Variants in PARD3B observed in about 807,000 individuals in gnomAD.
PARD3B encodes par-3 family cell polarity regulator beta, also known as partitioning defective 3 homolog B.
A neutral mutation model predicts 130.2 loss-of-function variants in PARD3B; 103 were observed. That is an observed-to-expected ratio of 0.79 (90% CI 0.67 to 0.93). The LOEUF is 0.93. Among genes scored for constraint, PARD3B ranks in the 40% least tolerant of loss-of-function variants. PARD3B has a pLI of 0.00. For synonymous variants in PARD3B, 583 were observed against 553.2 expected (o/e 1.05, Z -0.76); for missense variants, 1,609 against 1,499.2 (o/e 1.07, Z -1.21).
intron 18 of PARD3B, among the ~76,000 whole-genome samples, chr2:205,334,183 T>G (rs546497662): frequency 6.6e-6 from 1 of 152,308 alleles, no homozygotes; most frequent in African/African-American, 2.4e-5. Context: ...TGACATCTCT[T>G]CAGTTTATAA....
intron 16 of PARD3B, among the ~76,000 whole-genome samples, chr2:205,277,953 G>A (rs1266125288): frequency 6.6e-6 from 1 of 152,068 alleles, no homozygotes; most frequent in Non-Finnish European, 1.5e-5. Context: ...CCACATTTGG[G>A]GGAAGGAGAA....
rs534733221 is a variant in PARD3B, at chr2:204,954,013, TTCTTG to T, written c.223-11134_223-11130del. The stretch of plus-strand genomic sequence containing the variant: ...TGAGGAGGGAGCGAGGACCCCAGCC[TTCTTG>T]TCTTCGGGCCCCAGTTAGCGAGGCA... On this transcript the variant is annotated intron_variant, in intron 2 of 22. Transcript: ENST00000406610. Among the ~76,000 whole-genome samples the T allele has an allele frequency of 2.1e-3, 324 of 152,272 alleles. 1 individual carries two copies. Among genetic ancestry groups the T allele is most frequent in the African/African-American group, 7.5e-3 (313 of 41,552 alleles).
At chr2:205,035,840 T>C (rs1178310954) in intron 3 of PARD3B, among the ~76,000 whole-genome samples, 1 of 129,886 alleles carries the variant, frequency 7.7e-6, no homozygotes, top group South Asian at 2.3e-4. Context: ...TATATATATA[T>C]ATATAGTGGG....
chr2:205,021,389 C>T lies in PARD3B; in HGVS notation c.395-26192C>T, dbSNP rs541066006. Among the ~76,000 whole-genome samples the T allele has an allele frequency of 1.3e-5, 2 of 152,088 alleles. No homozygotes were observed. Among genetic ancestry groups the T allele is most frequent in the East Asian group, 1.9e-4 (1 of 5,148 alleles). On this transcript the variant is annotated intron_variant, in intron 3 of 22. Transcript: ENST00000406610. This position sits in a 1 kb window ranked among gnomAD's most constrained non-coding sequence, Gnocchi z 4.5. The stretch of plus-strand genomic sequence containing the variant: ...AAGGAAATTATGTATTGTAGATTTT[C>T]CTGATTCTGGGCATGCATTGGGACC...
intron 3 of PARD3B, among the ~76,000 whole-genome samples, chr2:205,030,949 G>T (rs1330679207): frequency 1.3e-5 from 2 of 152,076 alleles, no homozygotes; most frequent in African/African-American, 4.8e-5. Context: ...TTTTATTGTG[G>T]AATGTAAGTC....
chr2:204,699,902 T>C (rs1312206806), intron 2 of PARD3B, among the ~76,000 whole-genome samples: 1 of 152,130 alleles, frequency 6.6e-6, no homozygotes, highest in Non-Finnish European at 1.5e-5. Flanking sequence ...CATCAAAATA[T>C]GGAATGCAGC....
chr2:204,958,193 A>T (rs1367723137), intron 2 of PARD3B, among the ~76,000 whole-genome samples: 2 of 152,192 alleles, frequency 1.3e-5, no homozygotes, highest in Admixed American at 1.3e-4. Flanking sequence ...TAGGCTAAAG[A>T]TAATAGCATC....
intron 1 of PARD3B, among the ~76,000 whole-genome samples, chr2:204,674,428 G>A (rs565212048): frequency 6.7e-6 from 1 of 149,598 alleles, no homozygotes; most frequent in African/African-American, 2.4e-5. Flanking sequence ...GTAGCAGGTA[G>A]TATTATCCCC....
chr2:205,599,863 A>C (rs538971492), intron 22 of PARD3B, among the ~76,000 whole-genome samples: 37 of 152,270 alleles, frequency 2.4e-4, no homozygotes, highest in Middle Eastern at 3.4e-3. Context: ...TATTTTACCT[A>C]CATGGTAACT....
chr2:205,022,250 C>T (rs938543605), intron 3 of PARD3B, among the ~76,000 whole-genome samples: 1 of 152,176 alleles, frequency 6.6e-6, no homozygotes, highest in African/African-American at 2.4e-5. Context: ...AGTATCTTCT[C>T]TAATCATTCC....
chr2:204,856,550 A>T (rs1575144372), intron 2 of PARD3B, among the ~76,000 whole-genome samples: 1 of 152,188 alleles, frequency 6.6e-6, no homozygotes, highest in East Asian at 1.9e-4. Flanking sequence ...AGTTTGATGC[A>T]ATCCTGTTTT....
chr2:204,672,526 C>T (rs2036353722), intron 1 of PARD3B, among the ~76,000 whole-genome samples: 1 of 152,086 alleles, frequency 6.6e-6, no homozygotes, highest in Admixed American at 6.6e-5. Context: ...ATGAATATAG[C>T]AATAAAAATT....
chr2:205,432,810 T>A (rs1423354257), intron 19 of PARD3B, among the ~76,000 whole-genome samples: 1 of 152,118 alleles, frequency 6.6e-6, no homozygotes, highest in African/African-American at 2.4e-5. Flanking sequence ...CTTCAAAAAC[T>A]CCTACTACCT....
chr2:204,677,438 A>G lies in PARD3B; in HGVS notation c.121-8743A>G, dbSNP rs937934538. Among the ~76,000 whole-genome samples the G allele has an allele frequency of 1.3e-5, 2 of 152,224 alleles. No homozygotes were observed. Among genetic ancestry groups the G allele is most frequent in the African/African-American group, 2.4e-5 (1 of 41,442 alleles). On this transcript the variant is annotated intron_variant, in intron 1 of 22. Transcript: ENST00000406610. The surrounding 1 kb of genome is among the most constrained non-coding windows in gnomAD (Gnocchi z 4.1). ...TAAACTGTAGTTCTGTCTTTGAAATAGCAAAGTGTTTTCCTTTTTGTTCTC... is the reference window on the plus strand; with the variant it reads ...TAAACTGTAGTTCTGTCTTTGAAATGGCAAAGTGTTTTCCTTTTTGTTCTC...
In PARD3B at chr2:205,172,515, G is replaced by A. The variant is rs2035231776; in HGVS notation, c.1791+134G>A. On this transcript the variant is annotated intron_variant, in intron 12 of 22. Coordinates refer to ENST00000406610, the MANE Select transcript of PARD3B (RefSeq NM_001302769.2). Reference sequence around the variant, plus strand: ...AGAAGGGCTTTGATGGGAAACAGGTGGTTGTGTATTTTAGGTATAATAGAA... The same window carrying A: ...AGAAGGGCTTTGATGGGAAACAGGTAGTTGTGTATTTTAGGTATAATAGAA... The A allele has an allele frequency of 9.0e-6, 8 of 889,582 alleles. No homozygotes were observed. The South Asian group carries it at 1.4e-4, about 16-fold the overall frequency. The allele number at this position is 889,582 out of a possible 1,614,324, so 55.1% of individuals were successfully genotyped here.
In PARD3B at chr2:205,398,488, C is replaced by T. The variant is rs182554137; in HGVS notation, c.2631-2525C>T. On this transcript the variant is annotated intron_variant, in intron 18 of 22. Transcript: ENST00000406610. ...ATAGCATTAGAGCTGACAGTTGGTT[C>T]GCCAGAGTCCCAAGACTAGACTGGC... 7.2e-5 allele frequency among the ~76,000 whole-genome samples: 11 copies of T among 152,220 alleles called. No individual in the cohort carries two copies. In the East Asian group the frequency reaches 1.7e-3, roughly 24 times the overall value.
chr2:205,577,567 C>T (rs1227931344), intron 22 of PARD3B, among the ~76,000 whole-genome samples: 1 of 152,064 alleles, frequency 6.6e-6, no homozygotes, highest in African/African-American at 2.4e-5. Flanking sequence ...CCCATATGGG[C>T]CAAACTACAG....
chr2:204,993,922 G>A (rs199699980), intron 3 of PARD3B, among the ~76,000 whole-genome samples: 62,207 of 149,588 alleles, frequency 0.42, 12,117 homozygotes, highest in East Asian at 0.78. Context: ...GATCGGTGGT[G>A]ATATCCCCTT....
intron 20 of PARD3B, among the ~76,000 whole-genome samples, chr2:205,488,771 T>TA (rs1309128348): frequency 2.0e-5 from 3 of 152,148 alleles, no homozygotes; most frequent in Non-Finnish European, 4.4e-5. Context: ...TTCAGGGACA[T>TA]ATGTTCGTTA....
Sources: allele counts gnomAD v4.1 joint callset (sites outside exome capture counted in the v4.1 genomes callset), GRCh38; gene constraint gnomAD v4.1.1; non-coding constraint Gnocchi (gnomAD v3.1); transcripts MANE v1.5; gene names NCBI Gene and HGNC (gene_info 2026-07-23, HGNC 2026-07-21).